The following CADPS2 variants were observed in gnomAD, a reference collection of about 807,000 sequenced individuals.
CADPS2 encodes the protein calcium-dependent secretion activator 2.
CADPS2 carries 93 observed loss-of-function variants against 172.5 expected under a neutral mutation model. The ratio of observed to expected loss-of-function variants is 0.54; its 90% CI spans 0.46 to 0.64. The LOEUF (loss-of-function observed/expected upper bound fraction) is 0.64, where lower values mean the gene tolerates loss of function less well. Ranked by LOEUF, CADPS2 falls within the 30% of genes least tolerant of loss-of-function variation. CADPS2 has a pLI of 0.00. For synonymous variants in CADPS2, 546 were observed against 555.2 expected, an observed-to-expected ratio of 0.98 and a Z score of 0.23; for missense variants, 1,420 against 1,565.9, an observed-to-expected ratio of 0.91 and a Z score of 1.57.
At chr7:122,645,641 G>T (rs2078435371) in intron 3 of CADPS2, among the ~76,000 whole-genome samples, 5 of 88,728 alleles carry the variant, frequency 5.6e-5, no homozygotes, top group Admixed American at 3.5e-4. Flanking sequence ...TCTACTCTAA[G>T]ATACATATAT....
chr7:122,507,515 T>C (rs1170203132), intron 9 of CADPS2, among the ~76,000 whole-genome samples: 2 of 152,076 alleles, frequency 1.3e-5, no homozygotes, highest in Non-Finnish European at 2.9e-5. Flanking sequence ...GCTGCAGAAG[T>C]CAAGACGTGG....
intron 3 of CADPS2, among the ~76,000 whole-genome samples, chr7:122,641,257 C>T (rs957370296): frequency 7.2e-5 from 11 of 152,244 alleles, no homozygotes; most frequent in Non-Finnish European, 1.6e-4. Flanking sequence ...TGCAATGCTT[C>T]TAGTTTCTAT....
At chr7:122,512,949 G>A (rs2060109005) in intron 9 of CADPS2, among the ~76,000 whole-genome samples, 1 of 152,020 alleles carries the variant, frequency 6.6e-6, no homozygotes, top group African/African-American at 2.4e-5. Context: ...ATCTGATATT[G>A]CAAAAAATTG....
At chr7:122,619,263 A>G (rs2075306782) in intron 5 of CADPS2, among the ~76,000 whole-genome samples, 1 of 152,176 alleles carries the variant, frequency 6.6e-6, no homozygotes, top group African/African-American at 2.4e-5. Flanking sequence ...ATGTTTACAT[A>G]TAAAGATAAT....
rs532800937 is a variant in CADPS2 at position 122,623,685 on chromosome 7, C to G, written c.868-1968G>C. Among the ~76,000 whole-genome samples, 9 of 152,186 alleles carry G rather than the reference C, an allele frequency of 5.9e-5. No individual in the cohort carries two copies. The South Asian group carries it at 1.7e-3, about 28-fold the overall frequency. Reference sequence around the variant, plus strand: ...CCAAACACCTAGTTTCTCATATGCTCTTTGGTCTGGTTTTAACACCTAACT... The same window carrying G: ...CCAAACACCTAGTTTCTCATATGCTGTTTGGTCTGGTTTTAACACCTAACT... On this transcript the variant is annotated intron_variant, in intron 4 of 29. Coordinates refer to ENST00000449022, the MANE Select transcript of CADPS2 (RefSeq NM_017954.11).
intron 7 of CADPS2, among the ~76,000 whole-genome samples, chr7:122,564,374 T>C (rs1468916484): frequency 3.3e-5 from 5 of 152,138 alleles, no homozygotes; most frequent in Non-Finnish European, 7.4e-5. Context: ...AGTGGCATGA[T>C]CTTGGCTCAC....
intron 17 of CADPS2, among the ~76,000 whole-genome samples, chr7:122,417,135 C>T (rs1585813672): frequency 6.6e-6 from 1 of 152,116 alleles, no homozygotes; most frequent in Admixed American, 6.6e-5. Flanking sequence ...TTCCTAAAAC[C>T]TCAGCCTTAA....
At chr7:122,685,900 C>T (rs972050013) in intron 2 of CADPS2, among the ~76,000 whole-genome samples, 12 of 152,140 alleles carry the variant, frequency 7.9e-5, no homozygotes, top group African/African-American at 2.9e-4. Flanking sequence ...TGCCACAAAC[C>T]TTTGGAGGGC....
chr7:122,626,218 T>C (rs1210678937), intron 4 of CADPS2, among the ~76,000 whole-genome samples: 4 of 152,190 alleles, frequency 2.6e-5, no homozygotes, highest in African/African-American at 9.7e-5. Flanking sequence ...ATCACAGATT[T>C]AGTGCAGAAC....
chr7:122,473,657 T>A (rs1359874613), intron 13 of CADPS2, among the ~76,000 whole-genome samples: 3 of 152,226 alleles, frequency 2.0e-5, no homozygotes, highest in African/African-American at 7.2e-5. Context: ...AAATTTCAGA[T>A]GAATTGCTAT....
At chr7:122,462,439 A>G (rs1318265337) in intron 14 of CADPS2, among the ~76,000 whole-genome samples, 2 of 152,204 alleles carry the variant, frequency 1.3e-5, no homozygotes, top group African/African-American at 4.8e-5. Context: ...TTTATAGAAC[A>G]TGAGCCAAAA....
At chr7:122,356,062 T>C (rs1233703792) in intron 27 of CADPS2, among the ~76,000 whole-genome samples, 1 of 152,192 alleles carries the variant, frequency 6.6e-6, no homozygotes, top group Non-Finnish European at 1.5e-5. Context: ...TTAATGAACA[T>C]ATATTGACAC....
At chr7:122,388,838 A>C (rs1002540165) in intron 22 of CADPS2, 100 bp from the exon 23 acceptor site, 6 of 1,042,574 alleles carry the variant, frequency 5.8e-6, no homozygotes, top group Non-Finnish European at 6.6e-6. Flanking sequence ...CCATCAGTGA[A>C]AAAAATACCA....
intron 1 of CADPS2, among the ~76,000 whole-genome samples, chr7:122,739,185 A>G (rs1170386803): frequency 6.6e-6 from 1 of 152,170 alleles, no homozygotes; most frequent in Non-Finnish European, 1.5e-5. Context: ...AATGCCAAGA[A>G]GAGCTTCTCC....
At chr7:122,596,926 C>T (rs2071888475) in intron 6 of CADPS2, among the ~76,000 whole-genome samples, 1 of 151,944 alleles carries the variant, frequency 6.6e-6, no homozygotes, top group Non-Finnish European at 1.5e-5. Context: ...ACTGGGTGTC[C>T]AGTGAGGGCA....
intron 8 of CADPS2, among the ~76,000 whole-genome samples, chr7:122,519,811 T>C (rs1332952416): frequency 6.6e-6 from 1 of 151,986 alleles, no homozygotes; most frequent in Admixed American, 6.6e-5. Flanking sequence ...TTTATGCTGT[T>C]TGGGAAAAAA....
At chr7:122,362,297 C>A (rs1224713183) in intron 25 of CADPS2, among the ~76,000 whole-genome samples, 1 of 152,030 alleles carries the variant, frequency 6.6e-6, no homozygotes, top group Non-Finnish European at 1.5e-5. Context: ...ATACACACTG[C>A]AGAGTACAAT....
intron 12 of CADPS2, among the ~76,000 whole-genome samples, chr7:122,477,533 C>G (rs1458438265): frequency 6.6e-6 from 1 of 150,444 alleles, no homozygotes; most frequent in Non-Finnish European, 1.5e-5. Context: ...CCCGCCACCC[C>G]CGACCCCACC....
intron 8 of CADPS2, among the ~76,000 whole-genome samples, chr7:122,528,276 G>C (rs995075937): frequency 6.6e-6 from 1 of 151,928 alleles, no homozygotes. Flanking sequence ...CCAAGAATGG[G>C]GCAAGAATGT....
Sources: allele counts gnomAD v4.1 joint callset (sites outside exome capture counted in the v4.1 genomes callset), GRCh38; gene constraint gnomAD v4.1.1; transcripts MANE v1.5; gene names NCBI Gene and HGNC (gene_info 2026-07-23, HGNC 2026-07-21).